The following PRKD1 variants were observed in gnomAD, a reference collection of about 807,000 sequenced individuals.
PRKD1 encodes the protein serine/threonine-protein kinase D1.
Under a neutral mutation model 95.9 loss-of-function variants are expected in PRKD1, and 63 were observed. The ratio of observed to expected loss-of-function variants is 0.66; its 90% CI spans 0.54 to 0.81. PRKD1 has a LOEUF of 0.81. PRKD1 is among the 30% of genes least tolerant of loss of function. The pLI is 0.00. For synonymous variants in PRKD1, 425 were observed against 423.1 expected, an observed-to-expected ratio of 1.00 and a Z score of -0.05; for missense variants, 1,048 against 1,165.3, an observed-to-expected ratio of 0.90 and a Z score of 1.47.
chr14:29,780,889 C>A (rs1889013099), intron 1 of PRKD1, among the ~76,000 whole-genome samples: 2 of 152,064 alleles, frequency 1.3e-5, no homozygotes, highest in African/African-American at 4.8e-5. Flanking sequence ...GGAACCAACC[C>A]AAATGCTCAT....
In PRKD1 at chr14:29,593,326, G is replaced by T. The variant is rs1893194929; in HGVS notation, c.2434+4165C>A. On this transcript the variant is annotated intron_variant, in intron 16 of 17. Coordinates refer to ENST00000331968, the MANE Select transcript of PRKD1 (RefSeq NM_002742.3). Reference sequence around the variant, plus strand: ...TATTTTTCAAATCATACCTTATTTTGCACACAAAACATCTATTTTTATAAA... The same window carrying T: ...TATTTTTCAAATCATACCTTATTTTTCACACAAAACATCTATTTTTATAAA... Among the ~76,000 whole-genome samples, 4 of 151,786 alleles carry T rather than the reference G, an allele frequency of 2.6e-5. No homozygotes were observed. The South Asian group carries it at 8.3e-4, about 31-fold the overall frequency.
At chr14:29,842,528 TG>T in intron 1 of PRKD1, among the ~76,000 whole-genome samples, 1 of 152,352 alleles carries the variant, frequency 6.6e-6, no homozygotes, top group South Asian at 2.1e-4. Flanking sequence ...CATTATGCAG[TG>T]CATGACTATA....
chr14:29,918,764 G>T (rs1229662485), intron 1 of PRKD1, among the ~76,000 whole-genome samples: 1 of 152,128 alleles, frequency 6.6e-6, no homozygotes, highest in Admixed American at 6.5e-5. Context: ...AAATGTTCAT[G>T]ATTACTGTGG....
At chr14:29,854,238 A>T (rs144803327) in intron 1 of PRKD1, among the ~76,000 whole-genome samples, 20 of 152,296 alleles carry the variant, frequency 1.3e-4, no homozygotes, top group African/African-American at 4.8e-4. Flanking sequence ...AAAATGTGGG[A>T]AAGTTTGGAA....
intron 9 of PRKD1, among the ~76,000 whole-genome samples, chr14:29,632,173 G>C (rs140620324): frequency 6.6e-6 from 1 of 152,258 alleles, no homozygotes; most frequent in African/African-American, 2.4e-5. Context: ...GAAGTATGCA[G>C]GGGCTAAAAA....
intron 1 of PRKD1, among the ~76,000 whole-genome samples, chr14:29,750,089 C>G (rs1190714388): frequency 6.6e-6 from 1 of 152,172 alleles, no homozygotes; most frequent in Non-Finnish European, 1.5e-5. Context: ...AGGACTCTCA[C>G]TCCCTCAGAG....
At chr14:29,707,263 G>A (rs1325297285) in intron 2 of PRKD1, among the ~76,000 whole-genome samples, 1 of 152,178 alleles carries the variant, frequency 6.6e-6, no homozygotes, top group African/African-American at 2.4e-5. Context: ...AGAATGAAAT[G>A]AGAGGGAACA....
intron 4 of PRKD1, among the ~76,000 whole-genome samples, chr14:29,652,201 T>A: frequency 6.6e-6 from 1 of 152,184 alleles, no homozygotes; most frequent in East Asian, 1.9e-4. Context: ...GGCTCTGTTT[T>A]GTGTCTTGTC....
intron 1 of PRKD1, among the ~76,000 whole-genome samples, chr14:29,915,243 A>G (rs1243910713): frequency 6.6e-6 from 1 of 152,212 alleles, no homozygotes; most frequent in African/African-American, 2.4e-5. Flanking sequence ...TCAGTTACAC[A>G]AGGTAATTAA....
chr14:29,728,652 CA>C (rs1436458378), intron 1 of PRKD1, among the ~76,000 whole-genome samples: 2 of 152,088 alleles, frequency 1.3e-5, no homozygotes, highest in Non-Finnish European at 2.9e-5. Flanking sequence ...ATGGATCTAG[CA>C]TAATTGTTTA....
At chr14:29,826,831 A>ATATACAC (rs1891199882) in intron 1 of PRKD1, among the ~76,000 whole-genome samples, 1 of 29,776 alleles carries the variant, frequency 3.4e-5, no homozygotes, top group Non-Finnish European at 6.7e-5. Flanking sequence ...ATATATATAT[A>ATATACAC]TATATATACA....
At chr14:29,689,116 G>A (rs185011969) in intron 2 of PRKD1, among the ~76,000 whole-genome samples, 1 of 151,736 alleles carries the variant, frequency 6.6e-6, no homozygotes, top group Non-Finnish European at 1.5e-5. Flanking sequence ...TGACAAATAG[G>A]ATCTAATCAA....
At chr14:29,742,505 T>C (rs1887023448) in intron 1 of PRKD1, among the ~76,000 whole-genome samples, 2 of 152,210 alleles carry the variant, frequency 1.3e-5, no homozygotes, top group South Asian at 4.1e-4. Flanking sequence ...ATCTGACTAA[T>C]GGTCTGTTGC....
Position 29,781,664 on chromosome 14 carries a change from A to C in PRKD1, c.265-55990T>G, listed in dbSNP as rs45484102. Among the ~76,000 whole-genome samples, 243 of 152,352 alleles carry C rather than the reference A, an allele frequency of 1.6e-3. 3 individuals are homozygous for C. Among genetic ancestry groups the C allele is most frequent in the East Asian group, 3.5e-3 (18 of 5,182 alleles). On this transcript the variant is annotated intron_variant, in intron 1 of 17. Coordinates refer to ENST00000331968, the MANE Select transcript of PRKD1 (RefSeq NM_002742.3). ...GGCAAGGGAGTCTTTAAAATATAAGAGAACCCAAAAGAATGAGAAATGTCT... is the reference window on the plus strand; with the variant it reads ...GGCAAGGGAGTCTTTAAAATATAAGCGAACCCAAAAGAATGAGAAATGTCT...
chr14:29,717,439 C>A (rs1197517057), intron 2 of PRKD1, among the ~76,000 whole-genome samples: 1 of 152,058 alleles, frequency 6.6e-6, no homozygotes, highest in African/African-American at 2.4e-5. Flanking sequence ...AATGGGGTGA[C>A]TTGCTGAACA....
chr14:29,638,412 A>G, intron 6 of PRKD1, 77 bp downstream of exon 6: 1 of 1,540,628 alleles, frequency 6.5e-7, no homozygotes, highest in Non-Finnish European at 8.9e-7. Context: ...CCAAAACCAA[A>G]AACCCTGACT....
At chr14:29,803,411 G>C (rs1001383802) in intron 1 of PRKD1, among the ~76,000 whole-genome samples, 14 of 152,242 alleles carry the variant, frequency 9.2e-5, no homozygotes, top group African/African-American at 3.4e-4. Flanking sequence ...ACAATGAGAA[G>C]TCACCAAGTT....
intron 2 of PRKD1, among the ~76,000 whole-genome samples, chr14:29,694,093 C>T (rs1282217995): frequency 1.3e-5 from 2 of 152,206 alleles, no homozygotes; most frequent in Non-Finnish European, 2.9e-5. Flanking sequence ...CTAGATCCTC[C>T]AATAGTTCTT....
chr14:29,869,956 C>T (rs1893045505), intron 1 of PRKD1, among the ~76,000 whole-genome samples: 1 of 152,148 alleles, frequency 6.6e-6, no homozygotes, highest in Non-Finnish European at 1.5e-5. Flanking sequence ...ACCATCATTG[C>T]CCACTTTCTC....
Sources: allele counts gnomAD v4.1 joint callset (sites outside exome capture counted in the v4.1 genomes callset), GRCh38; gene constraint gnomAD v4.1.1; transcripts MANE v1.5; gene names NCBI Gene and HGNC (gene_info 2026-07-23, HGNC 2026-07-21).